The following CD99L2 variants were observed in gnomAD, a reference collection of about 807,000 sequenced individuals.
CD99L2 encodes CD99 antigen-like protein 2.
In CD99L2, 24 loss-of-function variants were observed where a neutral mutation model predicts 27.3. That is an observed-to-expected ratio of 0.88 (90% CI 0.64 to 1.24). The LOEUF is 1.24. Among genes scored for constraint, CD99L2 ranks in the 50% most tolerant of loss-of-function variants. The pLI is 0.00. For missense variants in CD99L2, 255 were observed against 221.6 expected, an observed-to-expected ratio of 1.15 and a Z score of -0.96; for synonymous variants, 97 against 87.9, an observed-to-expected ratio of 1.10 and a Z score of -0.58.
Position 150,824,242 on chromosome X carries a change from A to AAGG in CD99L2, c.130+6986_130+6988dup, listed in dbSNP as rs201482025. ...AGGAAGAGGAAGAAGAAGAAAGAAG[A>AAGG]AGGAGGAGGAGGAGGAAGAAGGAAG... On this transcript the variant is annotated intron_variant, in intron 2 of 10. Transcript: ENST00000370377. 5.3e-5 allele frequency among the ~76,000 whole-genome samples: 3 copies of AAGG among 56,165 alleles called. 1 individual carries two copies. Among genetic ancestry groups the AAGG allele is most frequent in the African/African-American group, 7.4e-5 (1 of 13,443 alleles). The allele number at this position is 56,165 out of a possible 115,157, so 48.8% of individuals were successfully genotyped here.
intron 9 of CD99L2, among the ~76,000 whole-genome samples, chrX:150,771,054 T>C (rs1272585361): frequency 8.9e-6 from 1 of 112,102 alleles, no homozygotes; most frequent in African/African-American, 3.2e-5. Flanking sequence ...GTGTTCAAGT[T>C]CTTAGAGTGG....
intron 2 of CD99L2, 101 bp downstream of exon 2, chrX:150,831,130 C>T: frequency 1.4e-6 from 1 of 712,337 alleles, no homozygotes; most frequent in Non-Finnish European, 2.1e-6. Context: ...TTCATCTGAT[C>T]AAGTAAAATA....
At chrX:150,821,455 A>C (rs1009527617) in intron 2 of CD99L2, among the ~76,000 whole-genome samples, 5 of 111,969 alleles carry the variant, frequency 4.5e-5, no homozygotes, top group Admixed American at 1.9e-4. Flanking sequence ...CAGCTGGATA[A>C]CCATATGTTA....
At chrX:150,895,574 A>G (rs2047592547) in intron 1 of CD99L2, among the ~76,000 whole-genome samples, 1 of 111,150 alleles carries the variant, frequency 9.0e-6, no homozygotes, top group Non-Finnish European at 1.9e-5. Flanking sequence ...CAGCAGGCCT[A>G]CCCAAAATGC....
At chrX:150,850,701 T>C (rs2046776924) in intron 1 of CD99L2, among the ~76,000 whole-genome samples, 1 of 112,484 alleles carries the variant, frequency 8.9e-6, no homozygotes, top group Non-Finnish European at 1.9e-5. Flanking sequence ...ACTCAACTAC[T>C]TGCACAGGCC....
intron 1 of CD99L2, among the ~76,000 whole-genome samples, chrX:150,893,058 A>T (rs1557422923): frequency 8.9e-6 from 1 of 111,753 alleles, no homozygotes; most frequent in African/African-American, 3.3e-5. Context: ...TGGGAGGTGG[A>T]GGTTGCAGTG....
intron 2 of CD99L2, among the ~76,000 whole-genome samples, chrX:150,817,655 A>T (rs1557420566): frequency 1.8e-5 from 2 of 112,411 alleles, no homozygotes; most frequent in African/African-American, 6.5e-5. Context: ...GCGAGTACCC[A>T]ATAATTATTG....
intron 3 of CD99L2, 79 bp downstream of exon 3, chrX:150,815,928 G>A (rs782488235): frequency 3.1e-6 from 3 of 955,320 alleles, no homozygotes; most frequent in Admixed American, 4.4e-5. Context: ...TAAAACTGTA[G>A]GTAGTTCACT....
intron 4 of CD99L2, among the ~76,000 whole-genome samples, chrX:150,800,954 C>T (rs1030003234): frequency 4.6e-5 from 5 of 109,329 alleles, no homozygotes; most frequent in East Asian, 2.9e-4. Flanking sequence ...TTGCTTGAAC[C>T]TGGGAGGCGG....
rs1557423159 is a variant in CD99L2 at position 150,898,600 on chromosome X, G to A, written c.-12C>T. 9.1e-7 allele frequency: 1 copy of A among 1,102,780 alleles called. No individual in the cohort carries two copies. The highest frequency in any genetic ancestry group is 3.5e-5 in the Admixed American group (1 of 28,660). The allele number at this position is 1,102,780 out of a possible 1,213,427, so 90.9% of individuals were successfully genotyped here. A position where few individuals can be genotyped will look rare whatever the true frequency, so the allele number is the denominator to read the frequency against. On this transcript the variant is annotated 5_prime_UTR_variant, in exon 1 of 11. Coordinates refer to ENST00000370377, the MANE Select transcript of CD99L2 (RefSeq NM_031462.4). ...CGCCAGGCCACCATGGCTGGGAGCA[G>A]GCGGAGGGCCCCGGAGGAGCACAGT...
At chrX:150,794,168 C>G (rs1557419819) in intron 6 of CD99L2, among the ~76,000 whole-genome samples, 1 of 111,765 alleles carries the variant, frequency 8.9e-6, no homozygotes, top group African/African-American at 3.3e-5. Flanking sequence ...TGAGAAGCAA[C>G]AGAGTCGGTC....
At position 150,768,693 on chromosome X, in the gene CD99L2, T is replaced by A. The variant is rs782403850; in HGVS notation, c.*341A>T. ...AGTTCAAACTCTTGTCCCCTAAGCA[T>A]AAATGTCATCAGGCCTCAGCATCAT... On this transcript the variant is annotated 3_prime_UTR_variant, in exon 11 of 11. Transcript: ENST00000370377. 2.0e-5 allele frequency: 5 copies of A among 252,149 alleles called. No individual in the cohort carries two copies. In the South Asian group the frequency reaches 9.4e-4, roughly 48 times the overall value. 20.8% of individuals were successfully genotyped at this position (252,149 alleles called of 1,213,427 possible).
intron 4 of CD99L2, among the ~76,000 whole-genome samples, chrX:150,805,944 G>C (rs2045986975): frequency 9.0e-6 from 1 of 111,623 alleles, no homozygotes; most frequent in African/African-American, 3.3e-5. Flanking sequence ...AGGGATCTTT[G>C]TGGTGATGAA....
intron 2 of CD99L2, among the ~76,000 whole-genome samples, chrX:150,824,581 A>AG (rs1557420842): frequency 5.1e-5 from 5 of 98,620 alleles, no homozygotes; most frequent in South Asian, 5.5e-4. Context: ...GAGGAGGAGG[A>AG]GAAGGAGGAG....
chrX:150,845,155 T>A (rs2046683346), intron 1 of CD99L2, among the ~76,000 whole-genome samples: 1 of 111,655 alleles, frequency 9.0e-6, no homozygotes, highest in Non-Finnish European at 1.9e-5. Context: ...CACAAGGAAA[T>A]CCCAAATGTG....
chrX:150,795,272 C>T lies in CD99L2; in HGVS notation c.364G>A (p.Ala122Thr). ...TCATTTCGATCATCCAGGGCATCAG[C>T]CAAGTCAAAATCATTTCCTTCATGG... ...ANTLGNDFDLADALDDRNDRD... is the reference protein window; with the variant it reads ...ANTLGNDFDLTDALDDRNDRD... Residue 122 changes from alanine (A) to threonine (T), a missense_variant, in exon 6 of 11, where the codon GCT becomes ACT. Ala to Thr is a moderately conservative substitution (Grantham distance 58, BLOSUM62 0). Transcript: ENST00000370377. 8.3e-7 allele frequency: 1 copy of T among 1,211,877 alleles called. No homozygotes were observed. The highest frequency in any genetic ancestry group is 1.1e-6 in the Non-Finnish European group (1 of 895,498).
At chrX:150,889,949 G>C (rs1379108439) in intron 1 of CD99L2, among the ~76,000 whole-genome samples, 1 of 107,834 alleles carries the variant, frequency 9.3e-6, no homozygotes, top group Non-Finnish European at 1.9e-5. Context: ...TCAGGAGATC[G>C]AGACCATCCT....
chrX:150,790,875 C>T (rs2045675737), intron 7 of CD99L2, among the ~76,000 whole-genome samples: 1 of 111,587 alleles, frequency 9.0e-6, no homozygotes, highest in African/African-American at 3.3e-5. Context: ...ACATTTGTAT[C>T]CCGTCTCTCA....
intron 7 of CD99L2, among the ~76,000 whole-genome samples, chrX:150,792,340 GCT>G (rs2124100687): frequency 8.9e-6 from 1 of 111,981 alleles, no homozygotes; most frequent in South Asian, 3.7e-4. Context: ...TGTGCCTACT[GCT>G]CTCATTTCAC....
Sources: allele counts gnomAD v4.1 joint callset (sites outside exome capture counted in the v4.1 genomes callset), GRCh38; gene constraint gnomAD v4.1.1; transcripts MANE v1.5; gene names NCBI Gene and HGNC (gene_info 2026-07-23, HGNC 2026-07-21).